The following ANK3 variants were observed in gnomAD, a reference collection of about 807,000 sequenced individuals.
The protein encoded by ANK3 is ankyrin 3.
ANK3 carries 57 observed loss-of-function variants against 370.9 expected under a neutral mutation model. The observed-to-expected ratio is 0.15, with a 90% CI of 0.12 to 0.19. The LOEUF (loss-of-function observed/expected upper bound fraction) is 0.19, where lower values mean the gene tolerates loss of function less well. Ranked by LOEUF, ANK3 falls within the 10% of genes least tolerant of loss-of-function variation. The pLI is 1.00. For synonymous variants in ANK3, 1,929 were observed against 1,946.3 expected, an observed-to-expected ratio of 0.99 and a Z score of 0.23; for missense variants, 4,439 against 5,302.1, an observed-to-expected ratio of 0.84 and a Z score of 5.06.
intron 1 of ANK3, among the ~76,000 whole-genome samples, chr10:60,385,919 A>G (rs1352878293): frequency 6.6e-6 from 1 of 152,174 alleles, no homozygotes; most frequent in Non-Finnish European, 1.5e-5. Flanking sequence ...CACTGTTGAA[A>G]CGTATTTTAT....
chr10:60,048,807 G>C (rs1160168700), intron 42 of ANK3, among the ~76,000 whole-genome samples: 1 of 152,198 alleles, frequency 6.6e-6, no homozygotes, highest in African/African-American at 2.4e-5. Flanking sequence ...TAGTCCCAGA[G>C]CTGCTGCTGT....
intron 1 of ANK3, among the ~76,000 whole-genome samples, chr10:60,618,059 A>T (rs2078287934): frequency 6.6e-6 from 1 of 152,144 alleles, no homozygotes; most frequent in South Asian, 2.1e-4. Context: ...ATGATATTAA[A>T]TTTTTTTATC....
At chr10:60,720,264 T>C (rs1317147250) in intron 1 of ANK3, among the ~76,000 whole-genome samples, 1 of 152,228 alleles carries the variant, frequency 6.6e-6, no homozygotes, top group Non-Finnish European at 1.5e-5. Flanking sequence ...GACACTGTTC[T>C]AAGTGCTTTC....
intron 43 of ANK3, among the ~76,000 whole-genome samples, chr10:60,038,796 A>T (rs575554691): frequency 6.6e-6 from 1 of 152,138 alleles, no homozygotes; most frequent in African/African-American, 2.4e-5. Context: ...TACATATTTG[A>T]AGAAATGAAA....
chr10:60,469,380 T>TATAC (rs1567067327), intron 2 of ANK3, among the ~76,000 whole-genome samples: 5 of 68,670 alleles, frequency 7.3e-5, no homozygotes, highest in South Asian at 4.5e-4. Context: ...TATATATATA[T>TATAC]ATATACCACT....
At chr10:60,347,595 C>T (rs2055883423) in intron 1 of ANK3, among the ~76,000 whole-genome samples, 1 of 151,950 alleles carries the variant, frequency 6.6e-6, no homozygotes, top group African/African-American at 2.4e-5. Flanking sequence ...TCAATTGAAA[C>T]CTATCAAAGT....
intron 1 of ANK3, among the ~76,000 whole-genome samples, chr10:60,620,871 A>G (rs1293702702): frequency 5.9e-5 from 9 of 152,190 alleles, no homozygotes; most frequent in Non-Finnish European, 1.2e-4. Context: ...CTGGGCATTT[A>G]ATGTATGCAC....
intron 2 of ANK3, among the ~76,000 whole-genome samples, chr10:60,529,591 G>A (rs2076557272): frequency 6.6e-6 from 1 of 152,072 alleles, no homozygotes; most frequent in Non-Finnish European, 1.5e-5. Context: ...GAATGGCAAA[G>A]TTCAAACACA....
intron 1 of ANK3, among the ~76,000 whole-genome samples, chr10:60,708,571 C>T (rs1431533253): frequency 2.0e-5 from 3 of 152,168 alleles, no homozygotes; most frequent in Admixed American, 6.5e-5. Flanking sequence ...TTTTGAAATA[C>T]ACCCAGAACA....
chr10:60,605,727 G>A (rs1416108280), intron 2 of ANK3, among the ~76,000 whole-genome samples: 1 of 152,158 alleles, frequency 6.6e-6, no homozygotes, highest in Non-Finnish European at 1.5e-5. Flanking sequence ...TGTATTCATA[G>A]GCAGGTCAAT....
rs1038362998 is a variant in ANK3 at position 60,733,266 on chromosome 10, G to T, written c.54C>A (p.Ala18=). The T allele has an allele frequency of 3.2e-6, 4 of 1,239,402 alleles. No homozygotes were observed. The African/African-American group carries it at 6.2e-5, about 19-fold the overall frequency. The allele number at this position is 1,239,402 out of a possible 1,614,324, so 76.8% of individuals were successfully genotyped here. A position where few individuals can be genotyped will look rare whatever the true frequency, so the allele number is the denominator to read the frequency against. ...AGGGGGGCGGCGCGGCGCTCACCTG[G>T]GCAGGAGCGGAGTCCTCGGTGCCCG... Residue 18 remains alanine (A), a synonymous_variant, in exon 1 of 44, where the codon GCC becomes GCA. Coordinates refer to the ANK3 transcript ENST00000373827.
chr10:60,694,063 T>C (rs1254652136), intron 1 of ANK3, among the ~76,000 whole-genome samples: 1 of 152,084 alleles, frequency 6.6e-6, no homozygotes, highest in South Asian at 2.1e-4. Context: ...AAGGAGCTGA[T>C]GGAGCTGAAA....
At chr10:60,163,589 GA>G (rs1473552914) in intron 23 of ANK3, among the ~76,000 whole-genome samples, 17 of 152,032 alleles carry the variant, frequency 1.1e-4, no homozygotes, top group Non-Finnish European at 5.9e-5. Flanking sequence ...AAAAGAAAGA[GA>G]AGACGATAAG....
intron 7 of ANK3, among the ~76,000 whole-genome samples, chr10:60,250,393 C>G (rs529783885): frequency 6.6e-6 from 1 of 152,228 alleles, no homozygotes; most frequent in South Asian, 2.1e-4. Flanking sequence ...GAGATGGAGT[C>G]TCGCTCTGTC....
At chr10:60,064,336 C>G in intron 38 of ANK3, 48 bp from the exon 39 acceptor site, 2 of 1,516,894 alleles carry the variant, frequency 1.3e-6, no homozygotes, top group South Asian at 1.3e-5. Flanking sequence ...CTACTTTTAT[C>G]ACACGTTTCA....
intron 2 of ANK3, among the ~76,000 whole-genome samples, chr10:60,417,058 A>G (rs149361766): frequency 2.6e-5 from 4 of 152,336 alleles, no homozygotes; most frequent in African/African-American, 9.6e-5. Context: ...GCTAGGAAAG[A>G]TATCCAGATG....
intron 1 of ANK3, among the ~76,000 whole-genome samples, chr10:60,686,908 A>C (rs2079275796): frequency 6.6e-6 from 1 of 152,222 alleles, no homozygotes; most frequent in South Asian, 2.1e-4. Flanking sequence ...GTTTCAGTGA[A>C]TGATTGACCA....
intron 1 of ANK3, among the ~76,000 whole-genome samples, chr10:60,326,579 C>T (rs1219240394): frequency 6.6e-6 from 1 of 152,074 alleles, no homozygotes; most frequent in African/African-American, 2.4e-5. Context: ...CAGTCATAGT[C>T]TCCCTGGAAG....
Position 60,138,970 on chromosome 10 carries a change from G to A in ANK3, c.2732C>T (p.Ser911Phe). Residue 911 changes from serine (S) to phenylalanine (F), a missense_variant, in exon 24 of 44, where the codon TCT becomes TTT. Ser to Phe is a radical substitution (Grantham distance 155, BLOSUM62 -2). Around this residue, in one of 13 missense-constraint regions of ANK3, gnomAD observed 702 missense variants for 941.5 expected, o/e 0.75. Transcript: ENST00000280772. ...GYMGFSLGAR[S>F]ASLRSFSSDR... ...GACAGCAACAACGAAGTACCTGGCA[G>A]AACGCGCTCCGAGACTAAAGCCCAT... 1 of 1,613,838 alleles carries A rather than the reference G, an allele frequency of 6.2e-7. No individual in the cohort carries two copies. The highest frequency in any genetic ancestry group is 1.3e-5 in the African/African-American group (1 of 75,022).
Sources: gnomAD v4.1 joint callset for allele counts (sites outside exome capture counted in the v4.1 genomes callset) on GRCh38, gnomAD v4.1.1 for gene constraint, gnomAD v4.1.1 regional missense constraint, MANE v1.5 for transcripts, NCBI Gene and HGNC (gene_info 2026-07-23, HGNC 2026-07-21) for gene names.